The following SGCZ variants were observed in gnomAD, a reference collection of about 807,000 sequenced individuals.
SGCZ encodes the protein zeta-sarcoglycan.
In SGCZ, 40 loss-of-function variants were observed where a neutral mutation model predicts 41.3. The ratio of observed to expected loss-of-function variants is 0.97; its 90% CI spans 0.75 to 1.26. The LOEUF is 1.26. SGCZ is among the 50% of genes most tolerant of loss of function. SGCZ has a pLI of 0.00. For missense variants in SGCZ, 552 were observed against 369.8 expected (o/e 1.49, Z -4.04); for synonymous variants, 206 against 137.5 (o/e 1.50, Z -3.49).
At chr8:14,111,423 A>C (rs947747454) in intron 5 of SGCZ, among the ~76,000 whole-genome samples, 4 of 152,196 alleles carry the variant, frequency 2.6e-5, no homozygotes, top group Non-Finnish European at 4.4e-5. Context: ...TTCTCATATC[A>C]CAGGCTCTAG....
intron 5 of SGCZ, among the ~76,000 whole-genome samples, chr8:14,146,871 C>CAAA (rs66592259): frequency 2.7e-5 from 2 of 74,880 alleles, no homozygotes; most frequent in African/African-American, 1.1e-4. Context: ...GACTCCGTCT[C>CAAA]AAAAAATAAA....
At chr8:14,750,891 A>G (rs1008333211) in intron 1 of SGCZ, among the ~76,000 whole-genome samples, 2 of 152,186 alleles carry the variant, frequency 1.3e-5, no homozygotes, top group Non-Finnish European at 2.9e-5. Context: ...TCTCTTTTGT[A>G]TGAATAAAAC....
intron 2 of SGCZ, among the ~76,000 whole-genome samples, chr8:14,449,241 T>G (rs568568224): frequency 6.6e-6 from 1 of 152,322 alleles, no homozygotes; most frequent in African/African-American, 2.4e-5. Context: ...GTAATGAACT[T>G]ACTTGTTCTA....
chr8:15,232,281 G>A lies in SGCZ; in HGVS notation c.39+5304C>T, dbSNP rs547247806. Among the ~76,000 whole-genome samples, 13 of 152,186 alleles carry A rather than the reference G, an allele frequency of 8.5e-5. No individual in the cohort carries two copies. The South Asian group carries it at 2.1e-3, about 24-fold the overall frequency. On this transcript the variant is annotated intron_variant, in intron 1 of 7. Transcript: ENST00000382080. ...TTATCTTATAGCAGTAAGCCATCTC[G>A]TGTAGCTATGATTTTGAGTTCATAA...
At chr8:14,909,482 G>T (rs920184122) in intron 1 of SGCZ, among the ~76,000 whole-genome samples, 19 of 151,966 alleles carry the variant, frequency 1.3e-4, no homozygotes, top group Admixed American at 1.3e-4. Context: ...ATCTTAAGAG[G>T]TTATCTTAAA....
chr8:14,644,978 C>T lies in SGCZ; in HGVS notation c.40-90052G>A, dbSNP rs150357874. Among the ~76,000 whole-genome samples the T allele has an allele frequency of 4.2e-3, 638 of 150,926 alleles. 7 individuals carry two copies. The highest frequency in any genetic ancestry group is 0.015 in the African/African-American group (617 of 41,256). ...AAAAAAAAAAGTCTCCAACGTTACT[C>T]GTTAGACTGTGGCCTACAGTCTATC... On this transcript the variant is annotated intron_variant, in intron 1 of 7. Coordinates refer to ENST00000382080, the MANE Select transcript of SGCZ (RefSeq NM_139167.4).
chr8:14,836,182 A>G (rs1300491561), intron 1 of SGCZ, among the ~76,000 whole-genome samples: 6 of 147,466 alleles, frequency 4.1e-5, no homozygotes, highest in East Asian at 4.2e-4. Context: ...AGAGGGGTCC[A>G]TTGCACTGCC....
In SGCZ at chr8:14,995,290, G is replaced by A. The variant is rs1045477366; in HGVS notation, c.39+242295C>T. ...GACAAGAGACAAAGAACTAATAAATGAATGAAGAAGTGTGGGGATGATGAC... is the reference window on the plus strand; with the variant it reads ...GACAAGAGACAAAGAACTAATAAATAAATGAAGAAGTGTGGGGATGATGAC... On this transcript the variant is annotated intron_variant, in intron 1 of 7. Coordinates refer to ENST00000382080, the MANE Select transcript of SGCZ (RefSeq NM_139167.4). 5.3e-5 allele frequency among the ~76,000 whole-genome samples: 8 copies of A among 152,238 alleles called. No homozygotes were observed. In the South Asian group the frequency reaches 1.2e-3, roughly 24 times the overall value.
chr8:14,750,743 T>G (rs1432682729), intron 1 of SGCZ, among the ~76,000 whole-genome samples: 3 of 152,242 alleles, frequency 2.0e-5, no homozygotes, highest in Non-Finnish European at 4.4e-5. Context: ...TGGGTATGCA[T>G]GACTAATCAA....
In SGCZ at chr8:15,013,874, G is replaced by C. The variant is rs183170123; in HGVS notation, c.39+223711C>G. Reference sequence around the variant, plus strand: ...TTGTGGGAAGCATAGAGACAAAGCAGTTGGTTTCTACTGGGCTCGGGCAGC... The same window carrying C: ...TTGTGGGAAGCATAGAGACAAAGCACTTGGTTTCTACTGGGCTCGGGCAGC... On this transcript the variant is annotated intron_variant, in intron 1 of 7. Coordinates refer to ENST00000382080, the MANE Select transcript of SGCZ (RefSeq NM_139167.4). Among the ~76,000 whole-genome samples, 36 of 152,322 alleles carry C rather than the reference G, an allele frequency of 2.4e-4. No homozygotes were observed. The East Asian group carries it at 5.2e-3, about 22-fold the overall frequency.
intron 1 of SGCZ, among the ~76,000 whole-genome samples, chr8:15,156,239 A>G (rs1348979356): frequency 6.6e-6 from 1 of 152,170 alleles, no homozygotes; most frequent in Non-Finnish European, 1.5e-5. Flanking sequence ...GCAGACTATG[A>G]GTCCTGAAAG....
chr8:14,199,748 T>C lies in SGCZ; in HGVS notation c.425-35046A>G, dbSNP rs12156028. 1.9e-3 allele frequency among the ~76,000 whole-genome samples: 296 copies of C among 152,250 alleles called. 1 individual carries two copies. The highest frequency in any genetic ancestry group is 6.9e-3 in the African/African-American group (287 of 41,540). ...AATATCAGGAGTGAATTTCCCCCGA[T>C]ATATTCTAACAATGTTAAGTGAATG... is the stretch of plus-strand genomic sequence containing the variant. On this transcript the variant is annotated intron_variant, in intron 4 of 7. Transcript: ENST00000382080.
chr8:15,077,592 C>A (rs537724684), intron 1 of SGCZ, among the ~76,000 whole-genome samples: 1 of 152,130 alleles, frequency 6.6e-6, no homozygotes, highest in Non-Finnish European at 1.5e-5. Flanking sequence ...ATAACTTTAA[C>A]CTCCTTGTAT....
rs539724953 is a variant in SGCZ at position 14,647,190 on chromosome 8, TA to T, written c.40-92265del. Among the ~76,000 whole-genome samples, 12 of 152,144 alleles carry T rather than the reference TA, an allele frequency of 7.9e-5. No homozygotes were observed. In the East Asian group the frequency reaches 2.3e-3, roughly 30 times the overall value. On this transcript the variant is annotated intron_variant, in intron 1 of 7. Coordinates refer to ENST00000382080, the MANE Select transcript of SGCZ (RefSeq NM_139167.4). ...GTTTTAGTACAGATACAACTAATGATAAACTATATAGCTCTCTGGACTGATA... is the reference window on the plus strand; with the variant it reads ...GTTTTAGTACAGATACAACTAATGATAACTATATAGCTCTCTGGACTGATA...
At chr8:14,384,576 T>C (rs928884846) in intron 2 of SGCZ, among the ~76,000 whole-genome samples, 5 of 152,244 alleles carry the variant, frequency 3.3e-5, no homozygotes, top group Admixed American at 6.5e-5. Context: ...TATTTATTTC[T>C]TGAGACAAAG....
intron 1 of SGCZ, among the ~76,000 whole-genome samples, chr8:14,942,933 G>C (rs1004049705): frequency 6.6e-6 from 1 of 152,074 alleles, no homozygotes; most frequent in Non-Finnish European, 1.5e-5. Flanking sequence ...ACTCTTCAGA[G>C]AGTACTATTT....
intron 1 of SGCZ, among the ~76,000 whole-genome samples, chr8:14,741,448 T>A (rs950315457): frequency 2.2e-4 from 34 of 152,080 alleles, no homozygotes; most frequent in African/African-American, 8.0e-4. Flanking sequence ...TTTTGTTTGT[T>A]TTACGTTTTA....
intron 2 of SGCZ, among the ~76,000 whole-genome samples, chr8:14,336,128 C>T (rs1802497463): frequency 1.3e-5 from 2 of 152,060 alleles, no homozygotes; most frequent in Admixed American, 6.6e-5. Context: ...CATGTGTTCC[C>T]ATCATTTAGC....
chr8:14,225,593 A>C (rs1044966160), intron 4 of SGCZ, among the ~76,000 whole-genome samples: 4 of 152,080 alleles, frequency 2.6e-5, no homozygotes, highest in African/African-American at 7.2e-5. Flanking sequence ...AAAGACAGAA[A>C]AAGTCAGAGG....
Sources: gnomAD v4.1 joint callset for allele counts (sites outside exome capture counted in the v4.1 genomes callset) on GRCh38, gnomAD v4.1.1 for gene constraint, MANE v1.5 for transcripts, NCBI Gene and HGNC (gene_info 2026-07-23, HGNC 2026-07-21) for gene names.